Variants in ERAP1 observed in about 807,000 individuals in gnomAD.
ERAP1 encodes the protein endoplasmic reticulum aminopeptidase 1.
Under a neutral mutation model 103.7 loss-of-function variants are expected in ERAP1, and 86 were observed. The observed-to-expected ratio is 0.83, with a 90% CI of 0.70 to 0.99. The LOEUF is 0.99. Among genes scored for constraint, ERAP1 ranks in the 50% least tolerant of loss-of-function variants. The pLI is 0.00. For missense variants in ERAP1, 1,009 were observed against 1,128.4 expected (o/e 0.89, Z 1.52); for synonymous variants, 398 against 402.4 (o/e 0.99, Z 0.13).
the ERAP1 span, chr5:96,896,527 G>A: frequency 6.3e-7 from 1 of 1,589,956 alleles, no homozygotes; most frequent in East Asian, 2.3e-5. Context: ...AGGTGCAGGT[G>A]GAAGCTCTGC....
the ERAP1 span, among the ~76,000 whole-genome samples, chr5:96,816,986 A>G: frequency 6.6e-6 from 1 of 152,250 alleles, no homozygotes. Context: ...TGGACTATAC[A>G]TTCTCAGTTG....
chr5:96,830,856 A>G, the ERAP1 span, among the ~76,000 whole-genome samples: 1 of 152,170 alleles, frequency 6.6e-6, no homozygotes, highest in Non-Finnish European at 1.5e-5. Flanking sequence ...CTCCAAATAC[A>G]GTCATCCCTC....
the ERAP1 span, among the ~76,000 whole-genome samples, chr5:96,932,093 G>A: frequency 3.3e-5 from 5 of 152,020 alleles, no homozygotes; most frequent in African/African-American, 9.7e-5. Flanking sequence ...TAATTATTCT[G>A]CTTTCTTCTG....
intron 4 of ERAP1, among the ~76,000 whole-genome samples, 178 bp downstream of exon 4, chr5:96,796,997 C>T (rs529048591): frequency 2.6e-5 from 4 of 152,218 alleles, no homozygotes; most frequent in African/African-American, 9.6e-5. Flanking sequence ...CTATTTTGTC[C>T]AGGCTGGTCT....
intron 4 of ERAP1, 140 bp from the exon 5 acceptor site, chr5:96,795,302 C>A: frequency 8.9e-7 from 1 of 1,127,150 alleles, no homozygotes; most frequent in Non-Finnish European, 1.3e-6. Flanking sequence ...AATTCCATTT[C>A]TTGCATTAAT....
At chr5:96,895,394 T>C in the ERAP1 span, 1 of 1,328,382 alleles carries the variant, frequency 7.5e-7, no homozygotes, top group Non-Finnish European at 1.1e-6. Context: ...TACTATATGG[T>C]GTAAAGAATC....
chr5:96,887,770 C>T, the ERAP1 span, among the ~76,000 whole-genome samples: 4 of 152,148 alleles, frequency 2.6e-5, no homozygotes, highest in Admixed American at 6.6e-5. Flanking sequence ...AACTTCTTAT[C>T]CCAAGAGACC....
At chr5:96,771,786 C>T (rs1772455481), downstream of ERAP1, 1 of 780,564 alleles carries the variant, frequency 1.3e-6, no homozygotes, top group Non-Finnish European at 2.2e-6. Context: ...TGAAGTCCAC[C>T]TCTTGAGTAA....
the ERAP1 span, chr5:96,896,520 T>A: frequency 1.2e-6 from 2 of 1,604,698 alleles, no homozygotes; most frequent in South Asian, 1.1e-5. Context: ...AAATATCAGG[T>A]GCAGGTGGAA....
upstream of ERAP1, among the ~76,000 whole-genome samples, chr5:96,808,522 C>T (rs28366066): frequency 6.6e-6 from 1 of 151,940 alleles, no homozygotes; most frequent in Non-Finnish European, 1.5e-5. Flanking sequence ...AAGTGCCGCA[C>T]CTTCTGGGGC....
chr5:96,909,244 C>A, the ERAP1 span: 1 of 829,412 alleles, frequency 1.2e-6, no homozygotes, highest in Non-Finnish European at 1.9e-6. Context: ...TGACTGATAG[C>A]ATGTAATGGT....
chr5:96,841,541 C>T, the ERAP1 span, among the ~76,000 whole-genome samples: 1 of 152,192 alleles, frequency 6.6e-6, no homozygotes, highest in Admixed American at 6.5e-5. Context: ...CACCACCACC[C>T]CCCCACAATG....
intron 15 of ERAP1, 58 bp downstream of exon 15, chr5:96,782,993 T>C: frequency 6.4e-7 from 1 of 1,559,246 alleles, no homozygotes; most frequent in Non-Finnish European, 8.8e-7. Context: ...GTACCAATGA[T>C]GGAAAACAGA....
chr5:96,779,316 C>T (rs1311627130), intron 18 of ERAP1: 1 of 152,222 alleles, frequency 6.6e-6, no homozygotes, highest in African/African-American at 2.4e-5. Flanking sequence ...TGCTTTGTTG[C>T]TATAGATCTT....
chr5:96,880,249 T>G, the ERAP1 span: 1 of 1,609,040 alleles, frequency 6.2e-7, no homozygotes, highest in Non-Finnish European at 8.5e-7. Flanking sequence ...GAACTCTTGG[T>G]GGTGAAACAA....
At chr5:96,768,853 AG>A (rs1771034992) in intron 19 of ERAP1, 1 of 157,852 alleles carries the variant, frequency 6.3e-6, no homozygotes, top group Non-Finnish European at 1.4e-5. Context: ...CCAAAGTTAG[AG>A]GCCTCTCTTC....
At chr5:96,895,029 C>T in the ERAP1 span, among the ~76,000 whole-genome samples, 2 of 147,172 alleles carry the variant, frequency 1.4e-5, no homozygotes, top group Non-Finnish European at 3.0e-5. Context: ...TGAGAACACA[C>T]AAAAAAAAGA....
At chr5:96,798,265 C>CA (rs1777573153) in intron 3 of ERAP1, among the ~76,000 whole-genome samples, 1 of 140,526 alleles carries the variant, frequency 7.1e-6, no homozygotes, top group African/African-American at 2.7e-5. Context: ...GCAGAGCTTG[C>CA]AGTGAGCCGA....
downstream of ERAP1, among the ~76,000 whole-genome samples, chr5:96,770,763 A>G (rs529365797): frequency 6.6e-6 from 1 of 152,348 alleles, no homozygotes; most frequent in East Asian, 1.9e-4. Flanking sequence ...TTGAATTTGT[A>G]TAAATACATA....
Sources: gnomAD v4.1 joint callset for allele counts (sites outside exome capture counted in the v4.1 genomes callset) on GRCh38, gnomAD v4.1.1 for gene constraint, MANE v1.5 for transcripts, NCBI Gene and HGNC (gene_info 2026-07-23, HGNC 2026-07-21) for gene names.